ARHGEF3: variants seen among roughly 807,000 people sequenced by gnomAD.
ARHGEF3 encodes the protein Rho guanine nucleotide exchange factor 3.
ARHGEF3 carries 28 observed loss-of-function variants against 63.2 expected under a neutral mutation model. The observed-to-expected ratio is 0.44, with a 90% CI of 0.33 to 0.61. The LOEUF (loss-of-function observed/expected upper bound fraction) is 0.61, where lower values mean the gene tolerates loss of function less well. ARHGEF3 is among the 20% of genes least tolerant of loss of function. The probability of loss-of-function intolerance (pLI) is 0.03; values close to 1 mark genes in which losing one functional copy is unlikely to be tolerated. For missense variants in ARHGEF3, 533 were observed against 659.3 expected, an observed-to-expected ratio of 0.81 and a Z score of 2.10; for synonymous variants, 266 against 254.2, an observed-to-expected ratio of 1.05 and a Z score of -0.44.
intron 2 of ARHGEF3, among the ~76,000 whole-genome samples, chr3:57,005,612 A>G (rs1377078275): frequency 6.6e-6 from 1 of 152,142 alleles, no homozygotes; most frequent in Non-Finnish European, 1.5e-5. Flanking sequence ...CCTGCTCCCT[A>G]TCGGGAGGGG....
At chr3:56,923,064 ATATATATATAT>A (rs1560053878) in intron 3 of ARHGEF3, among the ~76,000 whole-genome samples, 161 of 30,888 alleles carry the variant, frequency 5.2e-3, no homozygotes, top group African/African-American at 0.015. Flanking sequence ...ATATATATAT[ATATATATATAT>A]AAATTAGTTG....
At chr3:56,896,568 T>C (rs1187599144) in intron 3 of ARHGEF3, among the ~76,000 whole-genome samples, 1 of 152,238 alleles carries the variant, frequency 6.6e-6, no homozygotes, top group South Asian at 2.1e-4. Flanking sequence ...CCTGCATTGA[T>C]TGCATTTACT....
chr3:56,751,886 A>G (rs994858087), intron 4 of ARHGEF3, among the ~76,000 whole-genome samples: 1 of 152,186 alleles, frequency 6.6e-6, no homozygotes, highest in Non-Finnish European at 1.5e-5. Flanking sequence ...ACCTCTTACT[A>G]GAGAAAATTA....
chr3:57,034,513 A>T lies in ARHGEF3; in HGVS notation c.62+575T>A, dbSNP rs1703867981. ...ATTCTATATCACATTGGTCCTACTT[A>T]TACCAACTCTTCCTTCTAAGTCTTA... On this transcript the variant is annotated intron_variant, in intron 2 of 12. Transcript: ENST00000338458. 2.0e-5 allele frequency among the ~76,000 whole-genome samples: 3 copies of T among 152,104 alleles called. 1 individual carries two copies. Among genetic ancestry groups the T allele is most frequent in the Admixed American group, 2.0e-4 (3 of 15,266 alleles).
intron 2 of ARHGEF3, among the ~76,000 whole-genome samples, chr3:56,757,605 A>G (rs2035154439): frequency 6.6e-6 from 1 of 152,226 alleles, no homozygotes; most frequent in African/African-American, 2.4e-5. Flanking sequence ...ATATGTGAAC[A>G]TTTTATAGTT....
chr3:56,927,399 A>G (rs2042302042), intron 3 of ARHGEF3, among the ~76,000 whole-genome samples: 1 of 152,254 alleles, frequency 6.6e-6, no homozygotes, highest in African/African-American at 2.4e-5. Flanking sequence ...CATTTCCAAT[A>G]GCAATGCAAA....
intron 1 of ARHGEF3, among the ~76,000 whole-genome samples, chr3:57,054,051 A>T (rs964421693): frequency 6.6e-6 from 1 of 152,206 alleles, no homozygotes. Flanking sequence ...ATAGGTAGGC[A>T]TCTGTTAAGT....
At chr3:56,777,470 A>C (rs2036340032) in intron 1 of ARHGEF3, among the ~76,000 whole-genome samples, 2 of 152,210 alleles carry the variant, frequency 1.3e-5, no homozygotes, top group African/African-American at 4.8e-5. Flanking sequence ...TTTTTTTATT[A>C]AATGGATTTT....
intron 7 of ARHGEF3, among the ~76,000 whole-genome samples, chr3:56,742,025 G>A (rs1420506871): frequency 1.4e-4 from 21 of 152,128 alleles, no homozygotes. Flanking sequence ...ACATGTGCTG[G>A]ACTCATCATC....
intron 4 of ARHGEF3, among the ~76,000 whole-genome samples, chr3:56,813,493 T>C (rs1578581678): frequency 6.6e-6 from 1 of 152,226 alleles, no homozygotes; most frequent in Non-Finnish European, 1.5e-5. Context: ...TGTCTCACCG[T>C]GTTATCGAAA....
At chr3:56,802,437 T>C (rs2107973913), upstream of ARHGEF3, among the ~76,000 whole-genome samples, 1 of 152,298 alleles carries the variant, frequency 6.6e-6, no homozygotes, top group East Asian at 1.9e-4. Context: ...TTTTGTTTGG[T>C]TTTTTAAATG....
Position 56,797,276 on chromosome 3 carries a change from T to C in ARHGEF3, c.96+4427A>G, listed in dbSNP as rs528716838. Among the ~76,000 whole-genome samples, 8 of 152,346 alleles carry C rather than the reference T, an allele frequency of 5.3e-5. No individual in the cohort carries two copies. In the South Asian group the frequency reaches 1.7e-3, roughly 32 times the overall value. ...TTGAACAGCATTAAATGTACACATG[T>C]AAAGTCAACATATTTTCCTCTTCTG... On this transcript the variant is annotated intron_variant, in intron 1 of 9. Coordinates refer to ENST00000296315, the MANE Select transcript of ARHGEF3 (RefSeq NM_019555.3).
chr3:56,938,997 T>C (rs1224604540), intron 3 of ARHGEF3: 1 of 152,242 alleles, frequency 6.6e-6, no homozygotes, highest in Non-Finnish European at 1.5e-5. Flanking sequence ...CTTTTTCCCC[T>C]TGCTTCTAGC....
chr3:56,904,358 G>T (rs1266066630), intron 3 of ARHGEF3, among the ~76,000 whole-genome samples: 2 of 152,132 alleles, frequency 1.3e-5, no homozygotes, highest in Admixed American at 6.5e-5. Flanking sequence ...TAGAGATGGA[G>T]TCTCGCTATG....
intron 2 of ARHGEF3, among the ~76,000 whole-genome samples, chr3:56,758,539 C>T (rs947404591): frequency 6.6e-6 from 1 of 152,196 alleles, no homozygotes; most frequent in Non-Finnish European, 1.5e-5. Context: ...GCAGGACGCT[C>T]ACTCTGCAAG....
At chr3:56,909,990 G>A (rs2041811992) in intron 3 of ARHGEF3, among the ~76,000 whole-genome samples, 1 of 152,094 alleles carries the variant, frequency 6.6e-6, no homozygotes, top group Admixed American at 6.6e-5. Context: ...TACGTGAGTA[G>A]TACTGTCCAG....
chr3:56,906,934 G>A (rs1251193049), intron 3 of ARHGEF3, among the ~76,000 whole-genome samples: 2 of 147,968 alleles, frequency 1.4e-5, no homozygotes, highest in Admixed American at 1.3e-4. Flanking sequence ...TTTTAATGTG[G>A]TTACTAAGAA....
Position 56,732,847 on chromosome 3 carries a change from A to G in ARHGEF3, c.1042-423T>C, listed in dbSNP as rs181587486. On this transcript the variant is annotated intron_variant, in intron 8 of 9. Coordinates refer to ENST00000296315, the MANE Select transcript of ARHGEF3 (RefSeq NM_019555.3). ...TCTTGACTTTAGTTTATATTACTCA[A>G]TATAATTCTAAGTAATCAGGCCGGA... is the stretch of plus-strand genomic sequence containing the variant. Among the ~76,000 whole-genome samples, 22 of 152,358 alleles carry G rather than the reference A, an allele frequency of 1.4e-4. No individual in the cohort carries two copies. In the East Asian group the frequency reaches 4.0e-3, roughly 28 times the overall value.
At chr3:56,965,087 CA>C (rs990322239) in intron 2 of ARHGEF3, among the ~76,000 whole-genome samples, 3 of 151,908 alleles carry the variant, frequency 2.0e-5, no homozygotes, top group Admixed American at 6.6e-5. Context: ...ACCAACTCTA[CA>C]AAAAAAATTT....
Sources: allele counts gnomAD v4.1 joint callset (sites outside exome capture counted in the v4.1 genomes callset), GRCh38; gene constraint gnomAD v4.1.1; transcripts MANE v1.5; gene names NCBI Gene and HGNC (gene_info 2026-07-23, HGNC 2026-07-21).